The following ASB18 variants were observed in gnomAD, a reference collection of about 807,000 sequenced individuals.
ASB18 encodes ankyrin repeat and SOCS box containing 18, also known as ankyrin repeat and SOCS box protein 18.
In ASB18, 33 loss-of-function variants were observed where a neutral mutation model predicts 33.4. The ratio of observed to expected loss-of-function variants is 0.99; its 90% CI spans 0.75 to 1.32. The LOEUF is 1.32. ASB18 is among the 40% of genes most tolerant of loss of function. ASB18 has a pLI of 0.00. For missense variants in ASB18, 694 were observed against 655.5 expected (o/e 1.06, Z -0.64); for synonymous variants, 295 against 307.6 (o/e 0.96, Z 0.43).
At position 236,226,517 on chromosome 2, in the gene ASB18, T is replaced by G. The variant is rs11887564; in HGVS notation, c.596+11172A>C. ...TAATAAAAAGACATTTAAAAAGTCC[T>G]TATTAAACAATGGCCTGGGCCTGTA... On this transcript the variant is annotated intron_variant, in intron 3 of 5. Transcript: ENST00000409749. The surrounding 1 kb of genome is among the most constrained non-coding windows in gnomAD (Gnocchi z 4.8). Among the ~76,000 whole-genome samples the G allele has an allele frequency of 0.01, 1,570 of 152,328 alleles. 22 individuals carry two copies. Among genetic ancestry groups the G allele is most frequent in the African/African-American group, 0.036 (1,495 of 41,572 alleles).
In ASB18 at chr2:236,223,855, A is replaced by G. The variant is rs1241264977; in HGVS notation, c.597-8989T>C. Among the ~76,000 whole-genome samples, 2 of 152,168 alleles carry G rather than the reference A, an allele frequency of 1.3e-5. No individual in the cohort carries two copies. Among genetic ancestry groups the G allele is most frequent in the Non-Finnish European group, 2.9e-5 (2 of 68,040 alleles). ...TACTGTTGCCTGCATGGAGTAATTC[A>G]TTCTTTTTTTAAATTGCTGAGTCAT... On this transcript the variant is annotated intron_variant, in intron 3 of 5. Coordinates refer to ENST00000409749, the MANE Select transcript of ASB18 (RefSeq NM_212556.4). The surrounding 1 kb of genome is among the most constrained non-coding windows in gnomAD (Gnocchi z 4.6).
chr2:236,239,702 G>A lies in ASB18; in HGVS notation c.328+1578C>T, dbSNP rs1022776320. ...GGGGCACCGAGGTGGTGGCCACTGG[G>A]GACCTGCTCCCTGTACTCAGATCAA... On this transcript the variant is annotated intron_variant, in intron 2 of 5. Transcript: ENST00000409749. The surrounding 1 kb of genome is among the most constrained non-coding windows in gnomAD (Gnocchi z 5.6). Among the ~76,000 whole-genome samples, 2 of 152,378 alleles carry A rather than the reference G, an allele frequency of 1.3e-5. No individual in the cohort carries two copies. The highest frequency in any genetic ancestry group is 6.8e-3 in the Middle Eastern group (2 of 294).
Position 236,193,586 on chromosome 2 carries a change from C to T in ASB18, c.*1286G>A, listed in dbSNP as rs546120535. Among the ~76,000 whole-genome samples, 4 of 152,246 alleles carry T rather than the reference C, an allele frequency of 2.6e-5. 1 individual carries two copies. The highest frequency in any genetic ancestry group is 4.2e-4 in the South Asian group (2 of 4,818). On this transcript the variant is annotated 3_prime_UTR_variant, in exon 6 of 6. Coordinates refer to ENST00000409749, the MANE Select transcript of ASB18 (RefSeq NM_212556.4). This position sits in a 1 kb window ranked among gnomAD's most constrained non-coding sequence, Gnocchi z 5.0. ...CCGAGGCGGGCAGATCACCTGAGAT[C>T]GGGAGTTTGAGACCAGCCTGACGAA...
Position 236,214,808 on chromosome 2 carries a change from G to T in ASB18, c.655C>A (p.Arg219=). The change falls in exon 4 of 6, where the codon CGG becomes AGG. Residue 219 remains arginine (R), a synonymous_variant. Coordinates refer to ENST00000409749, the MANE Select transcript of ASB18 (RefSeq NM_212556.4). This position sits in a 1 kb window ranked among gnomAD's most constrained non-coding sequence, Gnocchi z 6.5. ...GCCGCCACGTGCAGCGGCGTGTCCC[G>T]GCCCGTGCCGCCCACGCGCTGCACC... ...ASVQRVGGTG[R]DTPLHVAAQR... The T allele has an allele frequency of 8.3e-6, 10 of 1,210,906 alleles. No individual in the cohort carries two copies. Among genetic ancestry groups the T allele is most frequent in the Non-Finnish European group, 1.0e-5 (10 of 974,032 alleles). The allele number at this position is 1,210,906 out of a possible 1,614,324, so 75.0% of individuals were successfully genotyped here. A position where few individuals can be genotyped will look rare whatever the true frequency, so the allele number is the denominator to read the frequency against.
At position 236,260,295 on chromosome 2, in the gene ASB18, C is replaced by G. The variant is rs1337340988; in HGVS notation, c.205+3846G>C. Among the ~76,000 whole-genome samples, 2 of 152,178 alleles carry G rather than the reference C, an allele frequency of 1.3e-5. No homozygotes were observed. Among genetic ancestry groups the G allele is most frequent in the Non-Finnish European group, 2.9e-5 (2 of 68,026 alleles). On this transcript the variant is annotated intron_variant, in intron 1 of 5. Coordinates refer to ENST00000409749, the MANE Select transcript of ASB18 (RefSeq NM_212556.4). This position sits in a 1 kb window ranked among gnomAD's most constrained non-coding sequence, Gnocchi z 5.1. Reference sequence around the variant, plus strand: ...CTTGCCTTCTCCTGGCTCAGGTGGGCATCACCAGCTCTGCCCCCTCTCTTG... The same window carrying G: ...CTTGCCTTCTCCTGGCTCAGGTGGGGATCACCAGCTCTGCCCCCTCTCTTG...
chr2:236,243,676 T>A (rs2198440), intron 1 of ASB18, among the ~76,000 whole-genome samples: 83,652 of 151,792 alleles, frequency 0.55, 23,210 homozygotes, highest in Middle Eastern at 0.67. Context: ...TGAAGATGAG[T>A]AATGCCACAT....
rs2060492028 is a variant in ASB18, at chr2:236,217,215, C to T, written c.597-2349G>A. Among the ~76,000 whole-genome samples, 1 of 152,062 alleles carries T rather than the reference C, an allele frequency of 6.6e-6. No individual in the cohort carries two copies. Among genetic ancestry groups the T allele is most frequent in the Non-Finnish European group, 1.5e-5 (1 of 68,006 alleles). ...CTGAGGTCAGGAGTTTGAGAACAGC[C>T]TGGCCAACATGGTGAAAACCCATCT... is the stretch of plus-strand genomic sequence containing the variant. On this transcript the variant is annotated intron_variant, in intron 3 of 5. Transcript: ENST00000409749. This position sits in a 1 kb window ranked among gnomAD's most constrained non-coding sequence, Gnocchi z 5.2.
At chr2:236,218,352 C>T (rs1020954624) in intron 3 of ASB18, among the ~76,000 whole-genome samples, 1 of 152,148 alleles carries the variant, frequency 6.6e-6, no homozygotes. Flanking sequence ...TCTGCTGGTA[C>T]ACGGTGGCAG....
chr2:236,203,387 G>C lies in ASB18; in HGVS notation c.1102-7002C>G, dbSNP rs1221270240. Among the ~76,000 whole-genome samples, 1 of 152,168 alleles carries C rather than the reference G, an allele frequency of 6.6e-6. No individual in the cohort carries two copies. Among genetic ancestry groups the C allele is most frequent in the Admixed American group, 6.5e-5 (1 of 15,274 alleles). ...AGAAAACGTATTATGCCAGGTTTGGGAGGTGAGAAGGAGCAAATAATGTTG... is the reference window on the plus strand; with the variant it reads ...AGAAAACGTATTATGCCAGGTTTGGCAGGTGAGAAGGAGCAAATAATGTTG... On this transcript the variant is annotated intron_variant, in intron 4 of 5. Coordinates refer to ENST00000409749, the MANE Select transcript of ASB18 (RefSeq NM_212556.4). The surrounding 1 kb of genome is among the most constrained non-coding windows in gnomAD (Gnocchi z 6.0).
chr2:236,219,619 A>G lies in ASB18; in HGVS notation c.597-4753T>C, dbSNP rs940771390. On this transcript the variant is annotated intron_variant, in intron 3 of 5. Coordinates refer to ENST00000409749, the MANE Select transcript of ASB18 (RefSeq NM_212556.4). The surrounding 1 kb of genome is among the most constrained non-coding windows in gnomAD (Gnocchi z 6.4). ...TTCAATCCCTCCTATCAACGTCACC[A>G]GTGGAAGAAATGGCCCAGTGGGGAA... 3.3e-5 allele frequency among the ~76,000 whole-genome samples: 5 copies of G among 152,186 alleles called. No homozygotes were observed. Among genetic ancestry groups the G allele is most frequent in the Non-Finnish European group, 7.3e-5 (5 of 68,032 alleles).
Position 236,252,788 on chromosome 2 carries a change from C to T in ASB18, c.205+11353G>A, listed in dbSNP as rs1023190090. Among the ~76,000 whole-genome samples the T allele has an allele frequency of 1.3e-5, 2 of 152,114 alleles. No homozygotes were observed. Among genetic ancestry groups the T allele is most frequent in the African/African-American group, 4.8e-5 (2 of 41,420 alleles). On this transcript the variant is annotated intron_variant, in intron 1 of 5. Coordinates refer to ENST00000409749, the MANE Select transcript of ASB18 (RefSeq NM_212556.4). This position sits in a 1 kb window ranked among gnomAD's most constrained non-coding sequence, Gnocchi z 7.9. Reference sequence around the variant, plus strand: ...TGAGAGGAGAGGAGGGGCCTAGATCCTTTGGTGGACACAGAGATGAACCAC... The same window carrying T: ...TGAGAGGAGAGGAGGGGCCTAGATCTTTTGGTGGACACAGAGATGAACCAC...
chr2:236,214,400 G>A lies in ASB18; in HGVS notation c.1063C>T (p.His355Tyr), dbSNP rs774088202. The change falls in exon 4 of 6, where the codon CAC (histidine) becomes TAC (tyrosine). Residue 355 changes from histidine to tyrosine, a missense_variant. Transcript: ENST00000409749. This position sits in a 1 kb window ranked among gnomAD's most constrained non-coding sequence, Gnocchi z 6.5. ...TCGGGCCACACGGTGGGAGAGCCGT[G>A]GTTGAGCAGCGCCTGCACCGTGCGC... ...PQRTVQALLN[H>Y]GSPTVWPDAF... The A allele has an allele frequency of 6.3e-7, 1 of 1,575,268 alleles. No homozygotes were observed. Among genetic ancestry groups the A allele is most frequent in the South Asian group, 1.2e-5 (1 of 86,640 alleles).
chr2:236,196,078 T>G lies in ASB18; in HGVS notation c.1215+194A>C. 1 of 615,066 alleles carries G rather than the reference T, an allele frequency of 1.6e-6. No homozygotes were observed. Among genetic ancestry groups the G allele is most frequent in the Non-Finnish European group, 3.0e-6 (1 of 332,102 alleles). 38.1% of individuals were successfully genotyped at this position (615,066 alleles called of 1,614,324 possible). On this transcript the variant is annotated intron_variant, in intron 5 of 5. Coordinates refer to ENST00000409749, the MANE Select transcript of ASB18 (RefSeq NM_212556.4). This position sits in a 1 kb window ranked among gnomAD's most constrained non-coding sequence, Gnocchi z 5.6. ...TGAGGCCATGGCACCGCAACTACTA[T>G]AACAAGCTCCTGGCTGTGTGATTAT...
chr2:236,201,594 G>A (rs746779413), intron 4 of ASB18, among the ~76,000 whole-genome samples: 1 of 151,796 alleles, frequency 6.6e-6, no homozygotes, highest in Non-Finnish European at 1.5e-5. Context: ...CAATATGGCT[G>A]TAGACAATGT....
chr2:236,243,232 A>C (rs1198400455), intron 1 of ASB18, among the ~76,000 whole-genome samples: 1 of 146,818 alleles, frequency 6.8e-6, no homozygotes, highest in African/African-American at 2.5e-5. Context: ...CAGGAGGCTT[A>C]GGTGAGAGAA....
chr2:236,216,193 T>G lies in ASB18; in HGVS notation c.597-1327A>C, dbSNP rs2060487211. ...TCATGGAGCTGGCCTTGGTCTCAGC[T>G]GGGCCTCAGTTAACTGATATCTTTC... On this transcript the variant is annotated intron_variant, in intron 3 of 5. Coordinates refer to ENST00000409749, the MANE Select transcript of ASB18 (RefSeq NM_212556.4). This position sits in a 1 kb window ranked among gnomAD's most constrained non-coding sequence, Gnocchi z 6.1. 6.6e-6 allele frequency among the ~76,000 whole-genome samples: 1 copy of G among 152,230 alleles called. No homozygotes were observed. Among genetic ancestry groups the G allele is most frequent in the East Asian group, 1.9e-4 (1 of 5,200 alleles).
At chr2:236,206,220 T>A (rs1261330140) in intron 4 of ASB18, among the ~76,000 whole-genome samples, 1 of 152,042 alleles carries the variant, frequency 6.6e-6, no homozygotes. Flanking sequence ...TAAGAATAGT[T>A]TTTGTCATTA....
chr2:236,231,208 T>C lies in ASB18; in HGVS notation c.596+6481A>G, dbSNP rs975770196. Among the ~76,000 whole-genome samples, 3 of 152,194 alleles carry C rather than the reference T, an allele frequency of 2.0e-5. No individual in the cohort carries two copies. Among genetic ancestry groups the C allele is most frequent in the Non-Finnish European group, 4.4e-5 (3 of 68,032 alleles). The stretch of plus-strand genomic sequence containing the variant: ...TTGTAAATTCCATCTTGCAAGCAGA[T>C]TGTCTCTATTGTCTTCTCAGCTTGC... On this transcript the variant is annotated intron_variant, in intron 3 of 5. Transcript: ENST00000409749. This position sits in a 1 kb window ranked among gnomAD's most constrained non-coding sequence, Gnocchi z 5.5.
At position 236,234,606 on chromosome 2, in the gene ASB18, A is replaced by G. The variant is rs2060580442; in HGVS notation, c.596+3083T>C. Among the ~76,000 whole-genome samples the G allele has an allele frequency of 6.6e-6, 1 of 152,212 alleles. No individual in the cohort carries two copies. The highest frequency in any genetic ancestry group is 2.4e-5 in the African/African-American group (1 of 41,444). On this transcript the variant is annotated intron_variant, in intron 3 of 5. Transcript: ENST00000409749. This position sits in a 1 kb window ranked among gnomAD's most constrained non-coding sequence, Gnocchi z 4.1. ...ATGCTTGACAAGAGAGCTCAGAAAT[A>G]AACTCACGCATATATAGTCCATTCA...
Sources: allele counts gnomAD v4.1 joint callset (sites outside exome capture counted in the v4.1 genomes callset), GRCh38; gene constraint gnomAD v4.1.1; non-coding constraint Gnocchi (gnomAD v3.1); transcripts MANE v1.5; gene names NCBI Gene and HGNC (gene_info 2026-07-23, HGNC 2026-07-21).